LIN54: variants seen among roughly 807,000 people sequenced by gnomAD.
The protein encoded by LIN54 is lin-54 DREAM MuvB core complex component, also known as protein lin-54 homolog.
Under a neutral mutation model 78.7 loss-of-function variants are expected in LIN54, and 9 were observed. The observed-to-expected ratio is 0.11, with a 90% CI of 0.07 to 0.20. The LOEUF is 0.20. Ranked by LOEUF, LIN54 falls within the 10% of genes least tolerant of loss-of-function variation. LIN54 has a pLI of 1.00. For missense variants in LIN54, 573 were observed against 889.9 expected (o/e 0.64, Z 4.53); for synonymous variants, 269 against 318.4 (o/e 0.84, Z 1.65).
At chr4:82,985,048 C>G (rs909395120) in intron 1 of LIN54, among the ~76,000 whole-genome samples, 172 bp from the exon 2 acceptor site, 3 of 152,178 alleles carry the variant, frequency 2.0e-5, no homozygotes, top group African/African-American at 7.2e-5. Context: ...CCTCAACCTG[C>G]AAGAATCTAT....
At chr4:82,969,760 T>C (rs987977358) in intron 4 of LIN54, among the ~76,000 whole-genome samples, 8 of 152,230 alleles carry the variant, frequency 5.3e-5, no homozygotes, top group African/African-American at 1.9e-4. Flanking sequence ...TATGCTGGTA[T>C]AATAACAACT....
chr4:82,964,707 TGCTC>T (rs1189880270), intron 4 of LIN54, among the ~76,000 whole-genome samples: 1 of 124,618 alleles, frequency 8.0e-6, no homozygotes, highest in Non-Finnish European at 1.6e-5. Flanking sequence ...AAAGCTTTAT[TGCTC>T]AAAAAAAAAG....
At chr4:82,961,698 T>C (rs920886374) in intron 4 of LIN54, among the ~76,000 whole-genome samples, 3 of 152,168 alleles carry the variant, frequency 2.0e-5, no homozygotes, top group African/African-American at 7.2e-5. Flanking sequence ...CTCACGCCTG[T>C]AATCCCAGCA....
rs1475764436 is a variant in LIN54 at position 82,926,189 on chromosome 4, AAC to A, written c.*1911_*1912del. On this transcript the variant is annotated 3_prime_UTR_variant, in exon 13 of 13. Coordinates refer to ENST00000340417, the MANE Select transcript of LIN54 (RefSeq NM_194282.4). ...ACATCACAAAGGTGCAATTAGAATT[AAC>A]ACAGAGTATGTACAAAATGAACAAA... is the stretch of plus-strand genomic sequence containing the variant. The A allele has an allele frequency of 4.6e-5, 7 of 152,758 alleles. No individual in the cohort carries two copies. The highest frequency in any genetic ancestry group is 9.6e-5 in the African/African-American group (4 of 41,586). 9.5% of individuals were successfully genotyped at this position (152,758 alleles called of 1,614,324 possible).
chr4:82,937,759 C>T (rs922034488), intron 8 of LIN54, among the ~76,000 whole-genome samples: 2 of 152,054 alleles, frequency 1.3e-5, no homozygotes, highest in Non-Finnish European at 2.9e-5. Flanking sequence ...AGCACGGCTT[C>T]TAAGCTGATA....
chr4:82,938,877 C>T (rs1169061577), intron 7 of LIN54, among the ~76,000 whole-genome samples: 1 of 152,220 alleles, frequency 6.6e-6, no homozygotes, highest in Non-Finnish European at 1.5e-5. Context: ...TCATTTATCA[C>T]ACTACAAATT....
At chr4:82,947,235 A>ATTTATTTTT in intron 4 of LIN54, among the ~76,000 whole-genome samples, 1 of 44,290 alleles carries the variant, frequency 2.3e-5, no homozygotes, top group South Asian at 1.2e-3. Flanking sequence ...ATATATATAT[A>ATTTATTTTT]TTTTTTTTTT....
chr4:82,934,437 A>C lies in LIN54; in HGVS notation c.1845+1544T>G, dbSNP rs114546542. On this transcript the variant is annotated intron_variant, in intron 11 of 12. Transcript: ENST00000340417. ...AAAATAACAACAACAACAACAACAAAAAACTTGTCTCTTTATGCAATTTTC... is the reference window on the plus strand; with the variant it reads ...AAAATAACAACAACAACAACAACAACAAACTTGTCTCTTTATGCAATTTTC... Among the ~76,000 whole-genome samples, 1,307 of 152,228 alleles carry C rather than the reference A, an allele frequency of 8.6e-3. 13 individuals carry two copies. Among genetic ancestry groups the C allele is most frequent in the African/African-American group, 0.03 (1,231 of 41,540 alleles).
chr4:83,001,804 C>T (rs1578658440), intron 1 of LIN54, among the ~76,000 whole-genome samples: 1 of 138,352 alleles, frequency 7.2e-6, no homozygotes, highest in East Asian at 2.1e-4. Flanking sequence ...GCGAAGATCG[C>T]ACCACTGCAC....
intron 4 of LIN54, among the ~76,000 whole-genome samples, chr4:82,967,975 T>C (rs1416704241): frequency 6.6e-6 from 1 of 152,162 alleles, no homozygotes; most frequent in Non-Finnish European, 1.5e-5. Flanking sequence ...CAACCGGATG[T>C]AAGCTTTTGA....
intron 3 of LIN54, among the ~76,000 whole-genome samples, chr4:82,975,335 CAA>C (rs879876787): frequency 2.3e-5 from 3 of 128,568 alleles, no homozygotes; most frequent in Non-Finnish European, 3.4e-5. Context: ...AACTGCATCT[CAA>C]AAAAAAAAAA....
chr4:82,963,105 GA>G (rs997582722), intron 4 of LIN54, among the ~76,000 whole-genome samples: 11 of 149,218 alleles, frequency 7.4e-5, no homozygotes, highest in South Asian at 2.1e-4. Context: ...TTGAAAACAG[GA>G]AAAAAAAAGA....
At chr4:83,009,190 T>C (rs935223806) in intron 1 of LIN54, among the ~76,000 whole-genome samples, 9 of 152,166 alleles carry the variant, frequency 5.9e-5, no homozygotes, top group African/African-American at 2.2e-4. Flanking sequence ...ACACACCTAT[T>C]CACACAAAAT....
Position 82,937,270 on chromosome 4 carries a change from G to T in LIN54, c.1561C>A (p.Pro521Thr). 1.9e-6 allele frequency: 3 copies of T among 1,585,400 alleles called. No individual in the cohort carries two copies. The highest frequency in any genetic ancestry group is 2.6e-6 in the Non-Finnish European group (3 of 1,153,964). Residue 521 changes from proline (P) to threonine (T), a missense_variant, in exon 9 of 13, where the codon CCC (proline) becomes ACC (threonine). Around this residue, in one of 6 missense-constraint regions of LIN54, gnomAD observed 101 missense variants for 194.2 expected, o/e 0.52. Transcript: ENST00000340417. The part of the protein sequence containing the change: ...GIIPSESASR[P>T]RKPCNCTKSL... ...TTTGTACAATTACAGGGCTTTCGGG[G>T]CCGACTGGCCGACTCTGATGGGATT...
Position 82,930,895 on chromosome 4 carries a change from C to T in LIN54, c.2048+48G>A, listed in dbSNP as rs1721890280. On this transcript the variant is annotated intron_variant, in intron 12 of 12. Transcript: ENST00000340417. The stretch of plus-strand genomic sequence containing the variant: ...CTTTGCCCCCTGAAAAGAAACTTTA[C>T]CAAAAGTATTTGGGAAGTACTATAA... The T allele has an allele frequency of 1.9e-6, 3 of 1,559,956 alleles. No homozygotes were observed. In the East Asian group the frequency reaches 6.8e-5, roughly 35 times the overall value.
intron 4 of LIN54, among the ~76,000 whole-genome samples, chr4:82,968,767 G>A (rs1725421120): frequency 6.6e-6 from 1 of 152,062 alleles, no homozygotes; most frequent in South Asian, 2.1e-4. Flanking sequence ...CCACAATACA[G>A]GCTCACCTTC....
At chr4:82,931,336 A>T (rs1354951839) in intron 11 of LIN54, among the ~76,000 whole-genome samples, 191 bp from the exon 12 acceptor site, 1 of 152,256 alleles carries the variant, frequency 6.6e-6, no homozygotes, top group Non-Finnish European at 1.5e-5. Flanking sequence ...TAAGTCTGAC[A>T]GTGGCTGTAC....
chr4:82,968,069 T>C (rs565242091), intron 4 of LIN54, among the ~76,000 whole-genome samples: 3 of 150,790 alleles, frequency 2.0e-5, no homozygotes, highest in African/African-American at 7.3e-5. Context: ...GAGACAAGAG[T>C]TTCGCTTTTG....
At position 82,979,748 on chromosome 4, in the gene LIN54, G is replaced by A. The variant is rs201257988; in HGVS notation, c.685-742C>T. Among the ~76,000 whole-genome samples the A allele has an allele frequency of 2.1e-4, 32 of 151,866 alleles. 1 individual carries two copies. In the East Asian group the frequency reaches 5.8e-3, roughly 28 times the overall value. On this transcript the variant is annotated intron_variant, in intron 2 of 12. Transcript: ENST00000340417. The stretch of plus-strand genomic sequence containing the variant: ...AGGTCAGGAGTTCAAGACCAGCCTG[G>A]CCAACATGGTGAAACCCTGTCTCTA...
Sources: allele counts gnomAD v4.1 joint callset (sites outside exome capture counted in the v4.1 genomes callset), GRCh38; gene constraint gnomAD v4.1.1; regional missense constraint gnomAD v4.1.1; transcripts MANE v1.5; gene names NCBI Gene and HGNC (gene_info 2026-07-23, HGNC 2026-07-21).